Variants in GPATCH8 observed in about 807,000 individuals in gnomAD.
The protein encoded by GPATCH8 is G-patch domain containing 8, also known as G patch domain-containing protein 8.
In GPATCH8, 18 loss-of-function variants were observed where a neutral mutation model predicts 118.3. The observed-to-expected ratio is 0.15, with a 90% CI of 0.11 to 0.23. The LOEUF (loss-of-function observed/expected upper bound fraction) is 0.23, where lower values mean the gene tolerates loss of function less well. Ranked by LOEUF, GPATCH8 falls within the 10% of genes least tolerant of loss-of-function variation. The pLI, the probability that GPATCH8 is intolerant of heterozygous loss-of-function variation, is 1.00. For missense variants in GPATCH8, 1,631 were observed against 1,873.8 expected (o/e 0.87, Z 2.39); for synonymous variants, 659 against 684.7 (o/e 0.96, Z 0.59).
At chr17:44,469,670 T>G (rs1967116124) in intron 2 of GPATCH8, among the ~76,000 whole-genome samples, 1 of 152,204 alleles carries the variant, frequency 6.6e-6, no homozygotes, top group South Asian at 2.1e-4. Context: ...TATTAAAGAC[T>G]ATAAGCAAGA....
chr17:44,424,278 A>C, intron 6 of GPATCH8, 71 bp downstream of exon 6: 2 of 1,010,602 alleles, frequency 2.0e-6, no homozygotes, highest in Non-Finnish European at 3.2e-6. Context: ...TTTGGGGGGT[A>C]TACTCATAAA....
rs1296420573 is a variant in GPATCH8 at position 44,435,166 on chromosome 17, A to G, written c.262-15T>C. 1.7e-6 allele frequency: 2 copies of G among 1,179,190 alleles called. No individual in the cohort carries two copies. Among genetic ancestry groups the G allele is most frequent in the Non-Finnish European group, 2.6e-6 (2 of 782,706 alleles). 73.0% of individuals were successfully genotyped at this position (1,179,190 alleles called of 1,614,324 possible). A position where few individuals can be genotyped will look rare whatever the true frequency, so the allele number is the denominator to read the frequency against. On this transcript the variant is annotated splice_polypyrimidine_tract_variant and intron_variant, in intron 4 of 7. Coordinates refer to ENST00000591680, the MANE Select transcript of GPATCH8 (RefSeq NM_001002909.4). ...GCATAATCAAGCTTGACAAAAATAGATATGATTAGATTTAATTCCTAAAGT... is the reference window on the plus strand; with the variant it reads ...GCATAATCAAGCTTGACAAAAATAGGTATGATTAGATTTAATTCCTAAAGT...
At chr17:44,446,846 T>C (rs1323097931) in intron 3 of GPATCH8, among the ~76,000 whole-genome samples, 1 of 152,098 alleles carries the variant, frequency 6.6e-6, no homozygotes, top group African/African-American at 2.4e-5. Flanking sequence ...CTATTTTTTT[T>C]TCCTTAAAGA....
intron 7 of GPATCH8, among the ~76,000 whole-genome samples, chr17:44,404,452 T>A (rs2049144339): frequency 6.6e-6 from 1 of 152,180 alleles, no homozygotes; most frequent in African/African-American, 2.4e-5. Flanking sequence ...ATATGCTTTT[T>A]AATATAAATG....
Position 44,469,449 on chromosome 17 carries a change from G to A in GPATCH8, c.121-4905C>T, listed in dbSNP as rs527510187. Among the ~76,000 whole-genome samples, 95 of 152,316 alleles carry A rather than the reference G, an allele frequency of 6.2e-4. 1 individual carries two copies. The highest frequency in any genetic ancestry group is 2.3e-3 in the Admixed American group (35 of 15,296). On this transcript the variant is annotated intron_variant, in intron 2 of 7. Coordinates refer to ENST00000591680, the MANE Select transcript of GPATCH8 (RefSeq NM_001002909.4). ...CAGGAAAAAATTTACTTTATTGTAT[G>A]AAGCTGGCTGTAAGTTTTTACAGTA...
intron 7 of GPATCH8, among the ~76,000 whole-genome samples, chr17:44,403,145 G>A (rs1407897092): frequency 1.3e-5 from 2 of 152,080 alleles, no homozygotes; most frequent in South Asian, 2.1e-4. Context: ...GTGCGATCTC[G>A]GCTCACTGCA....
intron 3 of GPATCH8, among the ~76,000 whole-genome samples, chr17:44,451,430 C>T (rs979504124): frequency 6.6e-6 from 1 of 152,036 alleles, no homozygotes; most frequent in Non-Finnish European, 1.5e-5. Context: ...TAAACATATG[C>T]AGAATACAAA....
chr17:44,397,521 T>C lies in GPATCH8; in HGVS notation c.*47A>G. ...ATGGCTCAACACCCCCAAGGGAACA[T>C]TTATGGGTCTCCTCCCCTGGCCCTA... On this transcript the variant is annotated 3_prime_UTR_variant, in exon 8 of 8. Transcript: ENST00000591680. The C allele has an allele frequency of 2.3e-6, 3 of 1,307,258 alleles. No individual in the cohort carries two copies. Among genetic ancestry groups the C allele is most frequent in the Non-Finnish European group, 3.3e-6 (3 of 901,392 alleles). The allele number at this position is 1,307,258 out of a possible 1,614,324, so 81.0% of individuals were successfully genotyped here. A position where few individuals can be genotyped will look rare whatever the true frequency, so the allele number is the denominator to read the frequency against.
At chr17:44,453,128 G>A (rs898921791) in intron 3 of GPATCH8, among the ~76,000 whole-genome samples, 6 of 152,100 alleles carry the variant, frequency 3.9e-5, no homozygotes, top group South Asian at 2.1e-4. Context: ...CACCACACCC[G>A]GCCTTCAGTA....
chr17:44,453,528 T>TGTGTGTGTGTGCGCGC (rs1482667373), intron 3 of GPATCH8, among the ~76,000 whole-genome samples: 29 of 150,690 alleles, frequency 1.9e-4, no homozygotes, highest in African/African-American at 6.9e-4. Flanking sequence ...TGTGTGTGTG[T>TGTGTGTGTGTGCGCGC]GTGCAGGCGC....
chr17:44,471,540 T>C (rs1234971111), intron 2 of GPATCH8, among the ~76,000 whole-genome samples: 4 of 152,204 alleles, frequency 2.6e-5, no homozygotes, highest in Admixed American at 2.6e-4. Flanking sequence ...TGCAATGATC[T>C]GTAGACTCCC....
intron 7 of GPATCH8, among the ~76,000 whole-genome samples, chr17:44,403,458 A>C (rs572842849): frequency 2.0e-5 from 3 of 152,224 alleles, no homozygotes; most frequent in African/African-American, 7.2e-5. Flanking sequence ...GCCTCAAGTG[A>C]TCCTCCTGCC....
intron 4 of GPATCH8, among the ~76,000 whole-genome samples, chr17:44,435,405 T>TC: frequency 9.0e-6 from 1 of 111,664 alleles, no homozygotes; most frequent in Non-Finnish European, 1.8e-5. Flanking sequence ...TTCTTTTCTT[T>TC]CTTTCCTTTT....
Position 44,475,961 on chromosome 17 carries a change from C to T in GPATCH8, c.46-1058G>A, listed in dbSNP as rs190901424. ...GGAGGATCACTTAGGCCAAGGAGGT[C>T]GAAGCTGCAGTGAGCTGTGATCAAG... On this transcript the variant is annotated intron_variant, in intron 1 of 7. Coordinates refer to ENST00000591680, the MANE Select transcript of GPATCH8 (RefSeq NM_001002909.4). Among the ~76,000 whole-genome samples the T allele has an allele frequency of 4.5e-4, 68 of 152,080 alleles. No individual in the cohort carries two copies. The Middle Eastern group carries it at 0.01, about 23-fold the overall frequency.
rs969643359 is a variant in GPATCH8 at position 44,453,494 on chromosome 17, G to T, written c.193+10978C>A. Among the ~76,000 whole-genome samples the T allele has an allele frequency of 5.5e-3, 237 of 43,166 alleles. 1 individual carries two copies. Among genetic ancestry groups the T allele is most frequent in the Non-Finnish European group, 8.6e-3 (147 of 17,192 alleles). The allele number at this position is 43,166 out of a possible 152,430, so 28.3% of individuals were successfully genotyped here. On this transcript the variant is annotated intron_variant, in intron 3 of 7. Transcript: ENST00000591680. ...CCTTCTAGTTGTAGGTAGGTAGGTA[G>T]GTAGGGGTGTGTGTGTGTGTGTGTG...
chr17:44,397,668 C>T lies in GPATCH8; in HGVS notation c.4409G>A (p.Arg1470Gln), dbSNP rs1340637431. The change falls in exon 8 of 8, where the codon CGG (arginine) becomes CAG (glutamine). Residue 1470 changes from arginine to glutamine, a missense_variant. By Grantham distance (43) the Arg-to-Gln change is conservative. Transcript: ENST00000591680. ...AALYPTLLAPRPAAAAATALH... is the reference protein window; with the variant it reads ...AALYPTLLAPQPAAAAATALH... ...TGCAGTGGCAGCTGCTGCAGCAGGC[C>T]GTGGAGCAAGTAGGGTGGGGTAGAG... The T allele has an allele frequency of 3.1e-6, 5 of 1,612,680 alleles. No individual in the cohort carries two copies. The highest frequency in any genetic ancestry group is 2.5e-6 in the Non-Finnish European group (3 of 1,179,096).
chr17:44,419,015 A>G (rs2049794801), intron 6 of GPATCH8, among the ~76,000 whole-genome samples: 1 of 152,146 alleles, frequency 6.6e-6, no homozygotes, highest in South Asian at 2.1e-4. Flanking sequence ...ACCTGAGAAA[A>G]ACTAGTGAAT....
In GPATCH8 at chr17:44,399,603, G is replaced by A; in HGVS notation, c.2474C>T (p.Ser825Leu). Residue 825 changes from serine to leucine, a missense_variant, in exon 8 of 8, where the codon TCA becomes TTA. Coordinates refer to ENST00000591680, the MANE Select transcript of GPATCH8 (RefSeq NM_001002909.4). ...TGGAGACTTCTGGTGCAGCCGGTGT[G>A]AGGAAGCATCATCACTATCCTCATC... ...SGDEDSDDAS[S>L]HRLHQKSPSQ... The A allele has an allele frequency of 1.9e-6, 3 of 1,614,210 alleles. No individual in the cohort carries two copies. The highest frequency in any genetic ancestry group is 2.5e-6 in the Non-Finnish European group (3 of 1,180,030).
intron 3 of GPATCH8, among the ~76,000 whole-genome samples, chr17:44,440,886 C>T (rs1361213669): frequency 6.6e-6 from 1 of 152,090 alleles, no homozygotes; most frequent in East Asian, 1.9e-4. Context: ...CGTCTCACTC[C>T]GTCACCCAGG....
Sources: gnomAD v4.1 joint callset for allele counts (sites outside exome capture counted in the v4.1 genomes callset) on GRCh38, gnomAD v4.1.1 for gene constraint, MANE v1.5 for transcripts, NCBI Gene and HGNC (gene_info 2026-07-23, HGNC 2026-07-21) for gene names.